PSD3: variants seen among roughly 807,000 people sequenced by gnomAD.
PSD3 encodes the protein pleckstrin and Sec7 domain containing 3, also known as PH and SEC7 domain-containing protein 3.
In PSD3, 49 loss-of-function variants were observed where a neutral mutation model predicts 105.5. That is an observed-to-expected ratio of 0.46 (90% CI 0.37 to 0.59). The LOEUF (loss-of-function observed/expected upper bound fraction) is 0.59, where lower values mean the gene tolerates loss of function less well. Ranked by LOEUF, PSD3 falls within the 20% of genes least tolerant of loss-of-function variation. PSD3 has a pLI of 0.00. For synonymous variants in PSD3, 557 were observed against 457.8 expected (o/e 1.22, Z -2.77); for missense variants, 1,561 against 1,263.8 (o/e 1.24, Z -3.57).
At chr8:19,052,167 G>C (rs1828551284) in intron 1 of PSD3, among the ~76,000 whole-genome samples, 1 of 152,098 alleles carries the variant, frequency 6.6e-6, no homozygotes, top group South Asian at 2.1e-4. Context: ...AAGTCAGAAA[G>C]TTCATTAAAG....
At chr8:18,708,258 T>C (rs1563187932) in intron 9 of PSD3, among the ~76,000 whole-genome samples, 1 of 152,146 alleles carries the variant, frequency 6.6e-6, no homozygotes, top group South Asian at 2.1e-4. Context: ...TTTTCTTTCT[T>C]AGGATTTAGG....
At chr8:18,713,183 GAA>G (rs1219173576) in intron 9 of PSD3, among the ~76,000 whole-genome samples, 1 of 152,146 alleles carries the variant, frequency 6.6e-6, no homozygotes, top group Non-Finnish European at 1.5e-5. Context: ...GTATCATACT[GAA>G]TGGGCAAAAG....
intron 7 of PSD3, among the ~76,000 whole-genome samples, chr8:18,799,839 A>T (rs1374925439): frequency 2.0e-5 from 3 of 152,150 alleles, no homozygotes; most frequent in Admixed American, 2.0e-4. Context: ...TGTTCTCGTT[A>T]CTCTCACTCT....
intron 9 of PSD3, among the ~76,000 whole-genome samples, chr8:18,728,433 A>T (rs553208856): frequency 6.6e-6 from 1 of 152,232 alleles, no homozygotes; most frequent in Non-Finnish European, 1.5e-5. Flanking sequence ...TCTCAGAGGA[A>T]GGGACAGCTA....
chr8:19,051,938 C>A (rs1828542785), intron 1 of PSD3, among the ~76,000 whole-genome samples: 1 of 152,198 alleles, frequency 6.6e-6, no homozygotes, highest in Non-Finnish European at 1.5e-5. Flanking sequence ...AGGAAAATAT[C>A]TTCCACTGAT....
At chr8:18,911,299 T>C (rs941208940) in intron 2 of PSD3, among the ~76,000 whole-genome samples, 1 of 152,084 alleles carries the variant, frequency 6.6e-6, no homozygotes, top group Non-Finnish European at 1.5e-5. Flanking sequence ...TACTAACAAT[T>C]AAGAACAAAG....
intron 1 of PSD3, among the ~76,000 whole-genome samples, chr8:18,976,189 ATTTCT>A (rs61067135): frequency 0.3 from 45,671 of 151,752 alleles, 7,286 homozygotes; most frequent in Non-Finnish European, 0.37. Context: ...TCAAAATCTA[ATTTCT>A]TTATTTTACA....
chr8:18,591,472 T>C (rs1803599631), intron 12 of PSD3, among the ~76,000 whole-genome samples: 1 of 152,118 alleles, frequency 6.6e-6, no homozygotes, highest in Admixed American at 6.5e-5. Context: ...AGCTTCTACT[T>C]TGGGAGGGCT....
chr8:18,714,427 GAAAA>G (rs80018511), intron 9 of PSD3, among the ~76,000 whole-genome samples: 1 of 108,652 alleles, frequency 9.2e-6, no homozygotes, highest in Non-Finnish European at 2.0e-5. Flanking sequence ...AAATTTACAA[GAAAA>G]AAAAAAAAAA....
chr8:18,768,392 G>A (rs12550683), intron 8 of PSD3, among the ~76,000 whole-genome samples: 7,452 of 152,194 alleles, frequency 0.049, 403 homozygotes, highest in East Asian at 0.22. Context: ...GATCACTTGA[G>A]CCTGGGAGAT....
At chr8:18,858,506 T>C (rs1448952136) in intron 4 of PSD3, among the ~76,000 whole-genome samples, 2 of 152,184 alleles carry the variant, frequency 1.3e-5, no homozygotes, top group Non-Finnish European at 2.9e-5. Context: ...TCACAAAATA[T>C]TTCTCTGTAG....
At chr8:18,774,476 A>C (rs1410446803) in intron 8 of PSD3, 4 of 216,168 alleles carry the variant, frequency 1.9e-5, no homozygotes, top group African/African-American at 7.0e-5. Context: ...TGTTCCTTCT[A>C]ACTGTATTTT....
intron 2 of PSD3, among the ~76,000 whole-genome samples, chr8:18,917,817 A>G (rs1820723583): frequency 2.0e-5 from 3 of 152,192 alleles, no homozygotes; most frequent in Non-Finnish European, 4.4e-5. Flanking sequence ...CAGGACCTGC[A>G]ACACCGTGGA....
chr8:18,935,511 T>TA (rs5889837), intron 2 of PSD3, among the ~76,000 whole-genome samples: 16,020 of 138,002 alleles, frequency 0.12, 1,120 homozygotes, highest in Non-Finnish European at 0.16. Context: ...CCCTGTCTCT[T>TA]AAAAAAAAAA....
chr8:19,084,669 C>T lies in PSD3; in HGVS notation c.-140G>A, dbSNP rs147172731. ...TACGTCCGGATCCTGGGATTTTTTC[C>T]TCCCTTCCTTCTTTTCCTTTGGAGC... On this transcript the variant is annotated 5_prime_UTR_variant, in exon 1 of 2. Coordinates refer to the PSD3 transcript ENST00000521475. 14 of 343,184 alleles carry T rather than the reference C, an allele frequency of 4.1e-5. No homozygotes were observed. In the East Asian group the frequency reaches 4.6e-4, roughly 11 times the overall value. 21.3% of individuals were successfully genotyped at this position (343,184 alleles called of 1,614,324 possible).
At chr8:18,658,797 T>C (rs1809091238) in intron 9 of PSD3, among the ~76,000 whole-genome samples, 1 of 143,938 alleles carries the variant, frequency 6.9e-6, no homozygotes, top group African/African-American at 2.9e-5. Context: ...TAATAATTAA[T>C]GTAGTCAGAT....
intron 11 of PSD3, among the ~76,000 whole-genome samples, chr8:18,600,985 C>T (rs1326883717): frequency 6.6e-6 from 1 of 152,208 alleles, no homozygotes; most frequent in Non-Finnish European, 1.5e-5. Context: ...CATATCTCTA[C>T]TGAGGATCTT....
chr8:18,567,303 C>G (rs1801845177), intron 14 of PSD3, among the ~76,000 whole-genome samples: 1 of 151,790 alleles, frequency 6.6e-6, no homozygotes, highest in South Asian at 2.1e-4. Flanking sequence ...TGATTTTTTC[C>G]CTCCCCTTAT....
chr8:18,899,359 A>AC (rs1208837489), intron 2 of PSD3, among the ~76,000 whole-genome samples: 2 of 152,168 alleles, frequency 1.3e-5, no homozygotes, highest in African/African-American at 4.8e-5. Flanking sequence ...GTCCTGCACA[A>AC]CATCTGGATA....
Sources: gnomAD v4.1 joint callset for allele counts (sites outside exome capture counted in the v4.1 genomes callset) on GRCh38, gnomAD v4.1.1 for gene constraint, MANE v1.5 for transcripts, NCBI Gene and HGNC (gene_info 2026-07-23, HGNC 2026-07-21) for gene names.